SAMD5: variants seen among roughly 807,000 people sequenced by gnomAD.
SAMD5 encodes sterile alpha motif domain containing 5.
Under a neutral mutation model 11.3 loss-of-function variants are expected in SAMD5, and 13 were observed. The observed-to-expected ratio is 1.15, with a 90% CI of 0.75 to 1.83. SAMD5 has a LOEUF of 1.83. SAMD5 is among the 40% of genes most tolerant of loss of function. The pLI, the probability that SAMD5 is intolerant of heterozygous loss-of-function variation, is 0.00. For synonymous variants in SAMD5, 129 were observed against 111.3 expected, an observed-to-expected ratio of 1.16 and a Z score of -1.00; for missense variants, 255 against 239.1, an observed-to-expected ratio of 1.07 and a Z score of -0.44.
intron 1 of SAMD5, among the ~76,000 whole-genome samples, chr6:147,647,675 C>A (rs1367978817): frequency 1.3e-5 from 2 of 152,272 alleles, no homozygotes; most frequent in East Asian, 3.9e-4. Context: ...TAGTTCCAGA[C>A]ATTGTGAGTT....
At position 147,564,524 on chromosome 6, in the gene SAMD5, A is replaced by G; in HGVS notation, c.*68A>G. 14 of 910,728 alleles carry G rather than the reference A, an allele frequency of 1.5e-5. No individual in the cohort carries two copies. The highest frequency in any genetic ancestry group is 1.5e-4 in the South Asian group (11 of 73,976). The allele number at this position is 910,728 out of a possible 1,614,324, so 56.4% of individuals were successfully genotyped here. On this transcript the variant is annotated 3_prime_UTR_variant, in exon 2 of 2. Transcript: ENST00000367474. ...AAGACTGGAAAAGGGCATATTTAGA[A>G]CCTTCTTTCAAAAAGGGAAATGGAT...
chr6:147,933,314 G>A, the SAMD5 span, among the ~76,000 whole-genome samples: 2 of 152,170 alleles, frequency 1.3e-5, no homozygotes, highest in Non-Finnish European at 2.9e-5. Context: ...TAGGTTCTTG[G>A]GAATCCATTG....
the SAMD5 span, chr6:147,947,516 T>A: frequency 7.9e-5 from 12 of 152,314 alleles, no homozygotes; most frequent in African/African-American, 2.9e-4. Context: ...TGTTGATTTG[T>A]CTGGTAAGTG....
chr6:147,813,807 C>T, the SAMD5 span, among the ~76,000 whole-genome samples: 1 of 152,202 alleles, frequency 6.6e-6, no homozygotes, highest in Non-Finnish European at 1.5e-5. Flanking sequence ...GACTGAGTAC[C>T]TGTGATTTCC....
chr6:147,909,653 A>G, the SAMD5 span, among the ~76,000 whole-genome samples: 5 of 92,386 alleles, frequency 5.4e-5, no homozygotes, highest in South Asian at 1.8e-3. Context: ...CTTTTGTACC[A>G]TCTGTCCTCA....
chr6:147,791,485 C>T, the SAMD5 span, among the ~76,000 whole-genome samples: 1 of 152,060 alleles, frequency 6.6e-6, no homozygotes, highest in African/African-American at 2.4e-5. Context: ...TTATACCTTT[C>T]ACTTTTTGGC....
intron 1 of SAMD5, among the ~76,000 whole-genome samples, chr6:147,561,321 G>A (rs1788945380): frequency 6.6e-6 from 1 of 152,134 alleles, no homozygotes; most frequent in Non-Finnish European, 1.5e-5. Context: ...CTGAGTAGCT[G>A]GGACTACAGG....
chr6:147,888,756 G>T, the SAMD5 span, among the ~76,000 whole-genome samples: 1 of 151,808 alleles, frequency 6.6e-6, no homozygotes, highest in Non-Finnish European at 1.5e-5. Context: ...ATGGTGGCAG[G>T]TGCCTGTAAT....
At chr6:147,910,767 C>T in the SAMD5 span, among the ~76,000 whole-genome samples, 26 of 152,086 alleles carry the variant, frequency 1.7e-4, no homozygotes, top group African/African-American at 6.0e-4. Context: ...TTTTTTCCAC[C>T]TATACAACAA....
chr6:147,914,085 C>T, the SAMD5 span, among the ~76,000 whole-genome samples: 1 of 152,100 alleles, frequency 6.6e-6, no homozygotes, highest in Non-Finnish European at 1.5e-5. Context: ...CGCATACGGC[C>T]CAGGATGGCT....
At chr6:147,757,176 C>G in the SAMD5 span, among the ~76,000 whole-genome samples, 581 of 152,262 alleles carry the variant, frequency 3.8e-3, 8 homozygotes, top group Middle Eastern at 3.4e-3. Context: ...GAAAATTAGT[C>G]TCATTTCTTT....
At chr6:147,893,220 T>G in the SAMD5 span, among the ~76,000 whole-genome samples, 2 of 149,148 alleles carry the variant, frequency 1.3e-5, no homozygotes, top group East Asian at 3.9e-4. Context: ...AAAAAAAAAG[T>G]ACTCAGTATG....
chr6:147,681,302 G>C (rs777899265), intron 1 of SAMD5, among the ~76,000 whole-genome samples: 8 of 152,018 alleles, frequency 5.3e-5, no homozygotes, highest in African/African-American at 1.9e-4. Flanking sequence ...CTTTTCTTCT[G>C]TAGTAACTAA....
chr6:147,832,752 G>A, the SAMD5 span, among the ~76,000 whole-genome samples: 1 of 152,050 alleles, frequency 6.6e-6, no homozygotes, highest in Non-Finnish European at 1.5e-5. Flanking sequence ...AAGTTCCTAT[G>A]GCCAGGAATA....
At chr6:147,777,749 C>T in the SAMD5 span, among the ~76,000 whole-genome samples, 215 of 152,158 alleles carry the variant, frequency 1.4e-3, no homozygotes, top group Admixed American at 1.8e-3. Context: ...ACCTCATATA[C>T]GTGGAATCAT....
the SAMD5 span, among the ~76,000 whole-genome samples, chr6:147,837,208 C>T: frequency 6.6e-6 from 1 of 152,064 alleles, no homozygotes; most frequent in Non-Finnish European, 1.5e-5. Context: ...GTCTGCTCCC[C>T]CTTCCTCCTT....
At chr6:147,532,814 C>T (rs1404038003) in intron 1 of SAMD5, among the ~76,000 whole-genome samples, 2 of 152,148 alleles carry the variant, frequency 1.3e-5, no homozygotes, top group South Asian at 2.1e-4. Context: ...TCTATCAGTA[C>T]GGTTTATAAC....
chr6:147,743,920 A>T, the SAMD5 span, among the ~76,000 whole-genome samples: 1 of 152,228 alleles, frequency 6.6e-6, no homozygotes, highest in Non-Finnish European at 1.5e-5. Context: ...GGTGAAATTT[A>T]TAAAAAGGGA....
the SAMD5 span, among the ~76,000 whole-genome samples, chr6:147,922,836 G>A: frequency 1.3e-5 from 2 of 152,108 alleles, no homozygotes; most frequent in African/African-American, 4.8e-5. Flanking sequence ...AAGTGTGAAG[G>A]AGTGTGTAAT....
Sources: allele counts gnomAD v4.1 joint callset (sites outside exome capture counted in the v4.1 genomes callset), GRCh38; gene constraint gnomAD v4.1.1; transcripts MANE v1.5; gene names NCBI Gene and HGNC (gene_info 2026-07-23, HGNC 2026-07-21).